The following CYTH1 variants were observed in gnomAD, a reference collection of about 807,000 sequenced individuals.
The protein encoded by CYTH1 is cytohesin-1.
In CYTH1, 18 loss-of-function variants were observed where a neutral mutation model predicts 61.8. The ratio of observed to expected loss-of-function variants is 0.29; its 90% CI spans 0.20 to 0.43. The LOEUF (loss-of-function observed/expected upper bound fraction) is 0.43. CYTH1 is among the 20% of genes least tolerant of loss of function. The probability of loss-of-function intolerance (pLI) is 1.00; values close to 1 mark genes in which losing one functional copy is unlikely to be tolerated. For missense variants in CYTH1, 336 were observed against 510.5 expected, an observed-to-expected ratio of 0.66 and a Z score of 3.29; for synonymous variants, 174 against 184.3, an observed-to-expected ratio of 0.94 and a Z score of 0.45.
intron 10 of CYTH1, among the ~76,000 whole-genome samples, chr17:78,695,173 A>C (rs941302969): frequency 6.6e-6 from 1 of 152,194 alleles, no homozygotes; most frequent in African/African-American, 2.4e-5. Context: ...TGGGCTAAGA[A>C]AATATGTTTC....
At chr17:78,754,069 G>C (rs1473432651) in intron 1 of CYTH1, among the ~76,000 whole-genome samples, 2 of 152,118 alleles carry the variant, frequency 1.3e-5, no homozygotes, top group African/African-American at 4.8e-5. Context: ...GAGGGTCAAA[G>C]TGGCCGTTGT....
chr17:78,739,428 T>C (rs1384229039), intron 1 of CYTH1, among the ~76,000 whole-genome samples: 2 of 151,890 alleles, frequency 1.3e-5, no homozygotes. Flanking sequence ...ATAAGTACTG[T>C]GGAGTGGGGG....
chr17:78,750,081 G>A (rs1289336444), intron 1 of CYTH1, among the ~76,000 whole-genome samples: 2 of 152,138 alleles, frequency 1.3e-5, no homozygotes, highest in Non-Finnish European at 2.9e-5. Context: ...TGAGATATGG[G>A]TGCACAGAGT....
At chr17:78,753,550 C>T (rs1415403119) in intron 1 of CYTH1, among the ~76,000 whole-genome samples, 3 of 150,260 alleles carry the variant, frequency 2.0e-5, no homozygotes, top group Non-Finnish European at 2.9e-5. Flanking sequence ...AACAAAGAAT[C>T]GGAGGGCTGC....
chr17:78,723,109 A>G (rs1161793296), intron 1 of CYTH1: 3 of 152,610 alleles, frequency 2.0e-5, no homozygotes, highest in Non-Finnish European at 4.4e-5. Context: ...CCACGCACAC[A>G]TCAGCTCCTA....
chr17:78,734,379 T>TGAAAACTG (rs1424551349), intron 1 of CYTH1, among the ~76,000 whole-genome samples: 1 of 126,938 alleles, frequency 7.9e-6, no homozygotes, highest in Non-Finnish European at 1.6e-5. Context: ...ATATACAGAA[T>TGAAAACTG]GAAAACTGAC....
chr17:78,759,591 GT>G, intron 1 of CYTH1, among the ~76,000 whole-genome samples: 1 of 152,270 alleles, frequency 6.6e-6, no homozygotes, highest in Admixed American at 6.5e-5. Flanking sequence ...AAAATCCAAG[GT>G]TGGTTATTCT....
At chr17:78,780,048 G>T (rs188040030) in intron 1 of CYTH1, among the ~76,000 whole-genome samples, 437 of 152,354 alleles carry the variant, frequency 2.9e-3, no homozygotes, top group Non-Finnish European at 4.8e-3. Flanking sequence ...ACACAAGAGA[G>T]GCCACAAAAG....
In CYTH1 at chr17:78,781,061, T is replaced by G. The variant is rs143666449; in HGVS notation, c.22+1141A>C. ...AATAAAATAAAATAAAATAAAAAATTAGCCGGGCATGGTGGCGTGCGTATG... is the reference window on the plus strand; with the variant it reads ...AATAAAATAAAATAAAATAAAAAATGAGCCGGGCATGGTGGCGTGCGTATG... On this transcript the variant is annotated intron_variant, in intron 1 of 13. Coordinates refer to ENST00000446868, the MANE Select transcript of CYTH1 (RefSeq NM_004762.6). 4.7e-3 allele frequency among the ~76,000 whole-genome samples: 704 copies of G among 151,306 alleles called. 5 individuals are homozygous for G. The highest frequency in any genetic ancestry group is 0.031 in the South Asian group (149 of 4,810).
At chr17:78,699,051 T>G in intron 7 of CYTH1, 83 bp from the exon 8 acceptor site, 1 of 1,492,150 alleles carries the variant, frequency 6.7e-7, no homozygotes, top group Non-Finnish European at 9.1e-7. Flanking sequence ...AAGAGTGGTA[T>G]CAGATGAAAT....
rs145078068 is a variant in CYTH1 at position 78,686,543 on chromosome 17, T to C, written c.892-5501A>G. ...CATTCTAGCATATTATGCAGTCTCG[T>C]AGAGAATGGTGAGTGGTGGGAGAGC... is the stretch of plus-strand genomic sequence containing the variant. On this transcript the variant is annotated intron_variant, in intron 11 of 13. Transcript: ENST00000446868. 1.4e-3 allele frequency among the ~76,000 whole-genome samples: 218 copies of C among 152,114 alleles called. 1 individual carries two copies. Among genetic ancestry groups the C allele is most frequent in the African/African-American group, 4.9e-3 (205 of 41,480 alleles).
chr17:78,689,839 G>A (rs554268683), intron 11 of CYTH1, among the ~76,000 whole-genome samples: 4 of 152,184 alleles, frequency 2.6e-5, no homozygotes, highest in Non-Finnish European at 5.9e-5. Context: ...AAAATAACAA[G>A]TCCTGTTCAG....
At chr17:78,766,724 C>T (rs1449094648) in intron 1 of CYTH1, among the ~76,000 whole-genome samples, 2 of 151,976 alleles carry the variant, frequency 1.3e-5, no homozygotes, top group Admixed American at 6.5e-5. Context: ...TTAGAAAGTA[C>T]ATAAATTCAT....
intron 1 of CYTH1, among the ~76,000 whole-genome samples, chr17:78,741,476 C>T (rs2144638718): frequency 6.6e-6 from 1 of 152,162 alleles, no homozygotes; most frequent in Admixed American, 6.5e-5. Context: ...CAATCATTAT[C>T]CCAGAGACAG....
chr17:78,699,025 T>C, intron 7 of CYTH1, 57 bp from the exon 8 acceptor site: 4 of 1,581,696 alleles, frequency 2.5e-6, no homozygotes, highest in Non-Finnish European at 3.4e-6. Flanking sequence ...TTCAGAAACA[T>C]CCCACCCGCA....
chr17:78,689,570 CGCCTGCCACTCACCTCCCGCTGTGTG>C (rs2092855141), intron 11 of CYTH1, among the ~76,000 whole-genome samples: 3 of 152,098 alleles, frequency 2.0e-5, no homozygotes, highest in Admixed American at 2.0e-4. Context: ...TTCCACCGCT[CGCCTGCCACTCACCTCCCGCTGTGTG>C]GCCTGGCTCG....
intron 1 of CYTH1, among the ~76,000 whole-genome samples, chr17:78,756,084 T>A (rs1173773673): frequency 2.0e-5 from 3 of 149,890 alleles, no homozygotes; most frequent in South Asian, 2.1e-4. Flanking sequence ...TTTTTATTTT[T>A]TTTTTTTTTG....
chr17:78,695,926 AC>A (rs1463227677), intron 10 of CYTH1, 80 bp downstream of exon 10: 2 of 1,362,154 alleles, frequency 1.5e-6, no homozygotes, highest in Non-Finnish European at 2.0e-6. Flanking sequence ...AAACAAAATA[AC>A]CAAAAATAAC....
chr17:78,770,888 G>A lies in CYTH1; in HGVS notation c.22+11314C>T, dbSNP rs1209163648. Among the ~76,000 whole-genome samples, 3 of 152,266 alleles carry A rather than the reference G, an allele frequency of 2.0e-5. No homozygotes were observed. In the East Asian group the frequency reaches 5.8e-4, roughly 29 times the overall value. Reference sequence around the variant, plus strand: ...CATACCTGTAATCCCAGCAGTTTGGGAGGCCAAGGCAGGCATATTCCTTGA... The same window carrying A: ...CATACCTGTAATCCCAGCAGTTTGGAAGGCCAAGGCAGGCATATTCCTTGA... On this transcript the variant is annotated intron_variant, in intron 1 of 13. Coordinates refer to ENST00000446868, the MANE Select transcript of CYTH1 (RefSeq NM_004762.6).
Sources: gnomAD v4.1 joint callset for allele counts (sites outside exome capture counted in the v4.1 genomes callset) on GRCh38, gnomAD v4.1.1 for gene constraint, MANE v1.5 for transcripts, NCBI Gene and HGNC (gene_info 2026-07-23, HGNC 2026-07-21) for gene names.